Variants in STARD9 observed in about 807,000 individuals in gnomAD.
STARD9 encodes StAR related lipid transfer domain containing 9.
Under a neutral mutation model 399.8 loss-of-function variants are expected in STARD9, and 346 were observed. The observed-to-expected ratio is 0.87, with a 90% CI of 0.79 to 0.95. The LOEUF (loss-of-function observed/expected upper bound fraction) is 0.95, where lower values mean the gene tolerates loss of function less well. STARD9 is among the 40% of genes least tolerant of loss of function. STARD9 has a pLI of 0.00. For missense variants in STARD9, 5,832 were observed against 5,667.5 expected (o/e 1.03, Z -0.93); for synonymous variants, 2,203 against 2,143.5 (o/e 1.03, Z -0.77).
At chr15:42,715,561 C>A (rs532873581) in intron 26 of STARD9, among the ~76,000 whole-genome samples, 1 of 149,140 alleles carries the variant, frequency 6.7e-6, no homozygotes, top group African/African-American at 2.5e-5. Context: ...CTCTGTTGTG[C>A]CCAGGCCGGA....
At chr15:42,676,060 G>GGGGGGGGGGGGC in intron 20 of STARD9, 85 bp downstream of exon 20, 1 of 860,840 alleles carries the variant, frequency 1.2e-6, no homozygotes, top group Admixed American at 2.2e-5. Flanking sequence ...TGGGGGTGGG[G>GGGGGGGGGGGGC]GGTGATTAAT....
intron 7 of STARD9, among the ~76,000 whole-genome samples, chr15:42,646,396 CTA>C (rs1157973204): frequency 1.3e-5 from 2 of 152,194 alleles, no homozygotes; most frequent in Non-Finnish European, 2.9e-5. Context: ...TTAGCTTTAG[CTA>C]TATCTTTTGG....
At chr15:42,713,186 C>T (rs994006451) in intron 26 of STARD9, among the ~76,000 whole-genome samples, 9 of 152,042 alleles carry the variant, frequency 5.9e-5, no homozygotes, top group African/African-American at 1.7e-4. Context: ...GTATTTTATT[C>T]CTGTTGACAG....
intron 3 of STARD9, among the ~76,000 whole-genome samples, chr15:42,630,509 T>C (rs181937222): frequency 9.9e-5 from 15 of 152,210 alleles, no homozygotes; most frequent in African/African-American, 3.6e-4. Flanking sequence ...TTTAGTAGGA[T>C]TGGTATTAGT....
At chr15:42,581,507 T>C in intron 1 of STARD9, 1 of 1,460,206 alleles carries the variant, frequency 6.8e-7, no homozygotes, top group Non-Finnish European at 9.4e-7. Flanking sequence ...ACGCGGGCTC[T>C]GGGCTTTGTG....
chr15:42,684,222 T>TC lies in STARD9; in HGVS notation c.2646dup (p.Tyr883LeufsTer57), dbSNP rs1218553331. ...AGAAGAGCATTTGCCACAGGCTGCTTCCTACCCTGCAAGGACAGGGTGCCT... is the reference window on the plus strand; with the variant it reads ...AGAAGAGCATTTGCCACAGGCTGCTTCCCTACCCTGCAAGGACAGGGTGCCT... On this transcript the variant is annotated frameshift_variant, in exon 23 of 33. Transcript: ENST00000290607. LOFTEE classifies it high-confidence loss of function. 6.5e-7 allele frequency: 1 copy of TC among 1,537,254 alleles called. No homozygotes were observed. The highest frequency in any genetic ancestry group is 8.7e-7 in the Non-Finnish European group (1 of 1,146,910).
chr15:42,659,796 T>G (rs1053760911), intron 9 of STARD9, among the ~76,000 whole-genome samples: 6 of 152,146 alleles, frequency 3.9e-5, no homozygotes, highest in African/African-American at 1.4e-4. Context: ...AGTGCTGGGA[T>G]TACAGGGGTG....
chr15:42,666,286 C>G (rs28537072), intron 15 of STARD9, among the ~76,000 whole-genome samples: 1 of 152,030 alleles, frequency 6.6e-6, no homozygotes, highest in African/African-American at 2.4e-5. Flanking sequence ...CTGAAAGAGT[C>G]TAGGGAAGGA....
At chr15:42,604,983 G>T (rs149086933) in intron 3 of STARD9, among the ~76,000 whole-genome samples, 148 of 152,184 alleles carry the variant, frequency 9.7e-4, no homozygotes, top group African/African-American at 3.4e-3. Flanking sequence ...CTGTTCCAAA[G>T]ATGAGAAGGA....
chr15:42,711,195 A>T (rs906210529), intron 26 of STARD9, among the ~76,000 whole-genome samples: 1 of 149,324 alleles, frequency 6.7e-6, no homozygotes, highest in Non-Finnish European at 1.5e-5. Context: ...GCTGGAGTGC[A>T]GTGGCACGAT....
At position 42,684,584 on chromosome 15, in the gene STARD9, T is replaced by A. The variant is rs947889644; in HGVS notation, c.3006T>A (p.Ala1002=). The change falls in exon 23 of 33, where the codon GCT becomes GCA. Residue 1002 remains alanine (A), a synonymous_variant. Coordinates refer to ENST00000290607, the MANE Select transcript of STARD9 (RefSeq NM_020759.3). ...GGAACCTTGGGACCCACAAGGCTGCTAAGGGAGCCAGTTGCAATTCCTTGT... is the reference window on the plus strand; with the variant it reads ...GGAACCTTGGGACCCACAAGGCTGCAAAGGGAGCCAGTTGCAATTCCTTGT... The part of the protein sequence containing the change: ...KEGNLGTHKA[A]KGASCNSLYP... The A allele has an allele frequency of 1.3e-6, 2 of 1,537,216 alleles. No individual in the cohort carries two copies. Among genetic ancestry groups the A allele is most frequent in the East Asian group, 4.9e-5 (2 of 40,910 alleles).
intron 3 of STARD9, among the ~76,000 whole-genome samples, chr15:42,597,998 ATATGTGTGTGTGTGTGTGTG>A (rs1462587542): frequency 6.2e-5 from 7 of 112,696 alleles, no homozygotes; most frequent in Admixed American, 3.8e-4. Context: ...TTGTATATAT[ATATGTGTGTGTGTGTGTGTG>A]TGTGTGTGTG....
At chr15:42,661,480 C>T (rs2059992640) in intron 10 of STARD9, among the ~76,000 whole-genome samples, 1 of 151,744 alleles carries the variant, frequency 6.6e-6, no homozygotes, top group Admixed American at 6.6e-5. Flanking sequence ...CTCTGTTGCC[C>T]AGGCTCCAGG....
At chr15:42,695,978 G>A in intron 26 of STARD9, 98 bp downstream of exon 26, 12 of 1,346,386 alleles carry the variant, frequency 8.9e-6, no homozygotes, top group South Asian at 1.5e-5. Flanking sequence ...GCAAGACGCC[G>A]TGCCTCCTGG....
chr15:42,575,637 G>C lies in STARD9; in HGVS notation c.-79G>C. On this transcript the variant is annotated 5_prime_UTR_variant, in exon 1 of 33. Transcript: ENST00000290607. ...GCGTGGGGCGGGCGGGGCTGGGTTG[G>C]GGCTGTGTCTGGGCTTAGGGCGGGG... 3.4e-6 allele frequency: 5 copies of C among 1,473,648 alleles called. No homozygotes were observed. In the South Asian group the frequency reaches 4.8e-5, roughly 14 times the overall value. 91.3% of individuals were successfully genotyped at this position (1,473,648 alleles called of 1,614,324 possible).
chr15:42,581,676 A>AGCT (rs1017971236), intron 1 of STARD9, among the ~76,000 whole-genome samples: 1 of 152,066 alleles, frequency 6.6e-6, no homozygotes, highest in Non-Finnish European at 1.5e-5. Context: ...CCTCAGCAGC[A>AGCT]GCAGCAGCGG....
chr15:42,580,391 C>G (rs2058141889), intron 1 of STARD9, among the ~76,000 whole-genome samples: 1 of 152,172 alleles, frequency 6.6e-6, no homozygotes, highest in South Asian at 2.1e-4. Context: ...TGGTGTTAGG[C>G]CCACCAAGCC....
intron 16 of STARD9, chr15:42,670,777 A>T (rs1049898147): frequency 4.6e-5 from 7 of 152,152 alleles, no homozygotes; most frequent in African/African-American, 1.7e-4. Flanking sequence ...AAAGTAGCTT[A>T]TTTTCTGGTA....
Position 42,692,601 on chromosome 15 carries a change from A to G in STARD9, c.11023A>G (p.Thr3675Ala). 1 of 1,537,202 alleles carries G rather than the reference A, an allele frequency of 6.5e-7. No individual in the cohort carries two copies. Among genetic ancestry groups the G allele is most frequent in the African/African-American group, 1.4e-5 (1 of 73,166 alleles). ...ATCAGCCTTTGATCTGGCCTCATGGACCAGCATGCACAATCTGTCTCTCCA... is the reference window on the plus strand; with the variant it reads ...ATCAGCCTTTGATCTGGCCTCATGGGCCAGCATGCACAATCTGTCTCTCCA... The part of the protein sequence containing the change: ...AVSAFDLASW[T>A]SMHNLSLHLS... The change falls in exon 23 of 33, where the codon ACC (threonine) becomes GCC (alanine). Residue 3675 changes from threonine to alanine, a missense_variant. Thr to Ala is a moderately conservative substitution (Grantham distance 58, BLOSUM62 0). Transcript: ENST00000290607.
Sources: gnomAD v4.1 joint callset for allele counts (sites outside exome capture counted in the v4.1 genomes callset) on GRCh38, gnomAD v4.1.1 for gene constraint, MANE v1.5 for transcripts, NCBI Gene and HGNC (gene_info 2026-07-23, HGNC 2026-07-21) for gene names.